Variants in DLG2 observed in about 807,000 individuals in gnomAD.
The protein encoded by DLG2 is disks large homolog 2.
DLG2 carries 45 observed loss-of-function variants against 132.5 expected under a neutral mutation model. The observed-to-expected ratio is 0.34, with a 90% confidence interval of 0.27 to 0.44. DLG2 has a LOEUF of 0.44. Ranked by LOEUF, DLG2 falls within the 20% of genes least tolerant of loss-of-function variation. DLG2 has a pLI of 1.00. For missense variants in DLG2, 1,045 were observed against 1,196.9 expected (o/e 0.87, Z 1.87); for synonymous variants, 424 against 419.6 (o/e 1.01, Z -0.13).
chr11:84,401,976 T>C (rs184688511), intron 7 of DLG2, among the ~76,000 whole-genome samples: 82 of 152,332 alleles, frequency 5.4e-4, no homozygotes, highest in African/African-American at 1.9e-3. Context: ...AGAACATAAA[T>C]TGTACTTTTC....
chr11:84,060,245 G>A (rs1454180786), intron 10 of DLG2, among the ~76,000 whole-genome samples: 1 of 152,144 alleles, frequency 6.6e-6, no homozygotes, highest in Non-Finnish European at 1.5e-5. Context: ...CCCGAGGGTG[G>A]AGGTTGCAGT....
chr11:84,522,651 T>C, intron 7 of DLG2, among the ~76,000 whole-genome samples: 1 of 152,188 alleles, frequency 6.6e-6, no homozygotes, highest in Admixed American at 6.5e-5. Flanking sequence ...TTGGAGAAAA[T>C]CAATTCAACC....
At chr11:84,855,733 T>C (rs1234154956) in intron 6 of DLG2, among the ~76,000 whole-genome samples, 1 of 152,104 alleles carries the variant, frequency 6.6e-6, no homozygotes, top group East Asian at 1.9e-4. Flanking sequence ...TCTTGGTGTC[T>C]TACTGCTGAG....
chr11:85,209,727 A>G (rs2082138984), intron 4 of DLG2, among the ~76,000 whole-genome samples: 1 of 151,356 alleles, frequency 6.6e-6, no homozygotes, highest in African/African-American at 2.4e-5. Flanking sequence ...GGCATGAGCC[A>G]CCATAACCAG....
At chr11:84,064,900 C>G (rs999483754) in intron 10 of DLG2, among the ~76,000 whole-genome samples, 12 of 152,066 alleles carry the variant, frequency 7.9e-5, no homozygotes, top group Non-Finnish European at 1.2e-4. Context: ...AATAGGGAAT[C>G]TAGAAATAAT....
At chr11:84,184,867 G>T (rs1219471725) in intron 8 of DLG2, among the ~76,000 whole-genome samples, 2 of 152,138 alleles carry the variant, frequency 1.3e-5, no homozygotes, top group Non-Finnish European at 2.9e-5. Flanking sequence ...GTTTGTCAAA[G>T]ATCAGATGGT....
At chr11:85,444,698 C>G (rs2091929847) in intron 3 of DLG2, among the ~76,000 whole-genome samples, 1 of 152,252 alleles carries the variant, frequency 6.6e-6, no homozygotes. Context: ...GTTCATGAGA[C>G]AGCTGGTGGG....
At chr11:84,545,214 T>C (rs777495333) in intron 6 of DLG2, 5 of 462,710 alleles carry the variant, frequency 1.1e-5, no homozygotes, top group African/African-American at 2.0e-5. Flanking sequence ...CAAAGGATTG[T>C]CCTTCATCAC....
At chr11:83,780,112 A>G (rs1270733925) in intron 18 of DLG2, among the ~76,000 whole-genome samples, 1 of 152,228 alleles carries the variant, frequency 6.6e-6, no homozygotes, top group Admixed American at 6.5e-5. Flanking sequence ...AACATGCCAC[A>G]GCTGCTCATT....
chr11:85,021,772 C>T lies in DLG2; in HGVS notation c.357+89889G>A, dbSNP rs116635125. ...CTGAGTCTCCTACTCCTGGGTTCTA[C>T]GTGGAGAACCTGACTGCTGCTCGAG... On this transcript the variant is annotated intron_variant, in intron 6 of 27. Transcript: ENST00000376104. 9.9e-4 allele frequency: 542 copies of T among 549,932 alleles called. 2 individuals carry two copies. Among genetic ancestry groups the T allele is most frequent in the African/African-American group, 8.5e-3 (443 of 52,174 alleles). 34.1% of individuals were successfully genotyped at this position (549,932 alleles called of 1,614,324 possible). A position where few individuals can be genotyped will look rare whatever the true frequency, so the allele number is the denominator to read the frequency against.
chr11:84,310,117 C>T (rs1487393002), intron 7 of DLG2, among the ~76,000 whole-genome samples: 2 of 152,138 alleles, frequency 1.3e-5, no homozygotes, highest in Non-Finnish European at 2.9e-5. Context: ...TGCCAGTACT[C>T]CCAACCATGT....
chr11:84,524,338 G>C (rs1202764303), intron 7 of DLG2, among the ~76,000 whole-genome samples: 4 of 152,152 alleles, frequency 2.6e-5, no homozygotes, highest in Admixed American at 2.0e-4. Flanking sequence ...GGCCTAAATA[G>C]CCAGAATTAT....
At chr11:83,502,803 C>T (rs1216899019) in intron 21 of DLG2, among the ~76,000 whole-genome samples, 1 of 152,118 alleles carries the variant, frequency 6.6e-6, no homozygotes, top group Non-Finnish European at 1.5e-5. Context: ...GAGATCCATA[C>T]GTTGATTACA....
At chr11:84,846,215 T>C (rs2081456089) in intron 6 of DLG2, among the ~76,000 whole-genome samples, 1 of 152,094 alleles carries the variant, frequency 6.6e-6, no homozygotes, top group African/African-American at 2.4e-5. Context: ...CAGGTTTCTA[T>C]ATATATCTAC....
intron 7 of DLG2, among the ~76,000 whole-genome samples, chr11:84,370,970 C>T (rs562957012): frequency 6.6e-6 from 1 of 152,184 alleles, no homozygotes; most frequent in Non-Finnish European, 1.5e-5. Context: ...ATGTGCCCAC[C>T]ACATTCTCAG....
rs868185542 is a variant in DLG2, at chr11:84,320,457, C to A, written c.520-69166G>T. Among the ~76,000 whole-genome samples the A allele has an allele frequency of 2.0e-5, 3 of 152,056 alleles. No individual in the cohort carries two copies. The East Asian group carries it at 5.8e-4, about 29-fold the overall frequency. ...ACATCCTTATCAGCCACAAGTAATA[C>A]GCCAAATAATCATAAAATGCTTTGA... On this transcript the variant is annotated intron_variant, in intron 7 of 27. Coordinates refer to ENST00000376104, the MANE Select transcript of DLG2 (RefSeq NM_001142699.3).
intron 3 of DLG2, among the ~76,000 whole-genome samples, chr11:85,438,269 G>A (rs2091596752): frequency 6.6e-6 from 1 of 152,022 alleles, no homozygotes; most frequent in East Asian, 1.9e-4. Context: ...GACTCCACCT[G>A]CAACATTGGG....
At chr11:83,891,140 T>A (rs1231042514) in intron 15 of DLG2, among the ~76,000 whole-genome samples, 1 of 152,150 alleles carries the variant, frequency 6.6e-6, no homozygotes, top group East Asian at 1.9e-4. Context: ...CAATATTGTA[T>A]AGGTTCATAT....
intron 2 of DLG2, among the ~76,000 whole-genome samples, chr11:85,621,631 A>G (rs566635251): frequency 1.3e-5 from 2 of 152,338 alleles, no homozygotes; most frequent in East Asian, 3.9e-4. Context: ...GTAACTTCAG[A>G]TGGAATGGAA....
Sources: allele counts gnomAD v4.1 joint callset (sites outside exome capture counted in the v4.1 genomes callset), GRCh38; gene constraint gnomAD v4.1.1; transcripts MANE v1.5; gene names NCBI Gene and HGNC (gene_info 2026-07-23, HGNC 2026-07-21).